The following OSBPL6 variants were observed in gnomAD, a reference collection of about 807,000 sequenced individuals.
The protein encoded by OSBPL6 is oxysterol-binding protein-related protein 6.
A neutral mutation model predicts 125.8 loss-of-function variants in OSBPL6; 49 were observed. The observed-to-expected ratio is 0.39, with a 90% CI of 0.31 to 0.49. The LOEUF is 0.49. OSBPL6 is among the 20% of genes least tolerant of loss of function. The pLI is 0.88. For synonymous variants in OSBPL6, 394 were observed against 391.8 expected (o/e 1.01, Z -0.07); for missense variants, 986 against 1,135.4 (o/e 0.87, Z 1.89).
intron 3 of OSBPL6, chr2:178,320,522 C>T (rs1201168218): frequency 5.8e-6 from 6 of 1,030,324 alleles, no homozygotes; most frequent in Admixed American, 2.3e-5. Context: ...AACTGGTTTA[C>T]ATAACCCTTT....
intron 3 of OSBPL6, among the ~76,000 whole-genome samples, chr2:178,311,635 A>T (rs957670769): frequency 2.0e-5 from 3 of 152,246 alleles, no homozygotes; most frequent in Admixed American, 2.0e-4. Context: ...TGGAGAGAAG[A>T]TTGGGAGCTC....
At position 178,383,062 on chromosome 2, in the gene OSBPL6, G is replaced by A; in HGVS notation, c.1660G>A (p.Gly554Arg). The change falls in exon 17 of 25, where the codon GGG becomes AGG. Residue 554 changes from glycine to arginine, a missense_variant. Gly to Arg is a moderately radical substitution (Grantham distance 125). Transcript: ENST00000190611. Reference protein sequence around the residue: ...GELTGGAFRNGRRACLPAPCP... With the variant: ...GELTGGAFRNRRRACLPAPCP... Reference sequence around the variant, plus strand: ...GCTTACAGGAGGGGCCTTCCGAAATGGGCGTCGAGCATGCCTGCCAGCTCC... The same window carrying A: ...GCTTACAGGAGGGGCCTTCCGAAATAGGCGTCGAGCATGCCTGCCAGCTCC... The A allele has an allele frequency of 6.2e-7, 1 of 1,614,190 alleles. No homozygotes were observed. The highest frequency in any genetic ancestry group is 8.5e-7 in the Non-Finnish European group (1 of 1,180,036).
At chr2:178,377,709 A>G (rs1046718249) in intron 15 of OSBPL6, among the ~76,000 whole-genome samples, 2 of 152,110 alleles carry the variant, frequency 1.3e-5, no homozygotes, top group Admixed American at 1.3e-4. Context: ...GAGATCCACA[A>G]CTTCAGCTCC....
chr2:178,270,199 A>G (rs1317085930), intron 1 of OSBPL6, among the ~76,000 whole-genome samples: 1 of 152,184 alleles, frequency 6.6e-6, no homozygotes, highest in Non-Finnish European at 1.5e-5. Context: ...TTTCCAAGAA[A>G]TTCTTCAATT....
chr2:178,276,423 A>AGTG (rs2092470734), intron 1 of OSBPL6, among the ~76,000 whole-genome samples: 1 of 144,826 alleles, frequency 6.9e-6, no homozygotes, highest in African/African-American at 2.6e-5. Context: ...CCCAGGCTAG[A>AGTG]GTGCAGTGGC....
At chr2:178,385,400 G>T in intron 18 of OSBPL6, 58 bp from the exon 19 acceptor site, 3 of 1,211,002 alleles carry the variant, frequency 2.5e-6, no homozygotes. Flanking sequence ...AAGAGAAATG[G>T]ATGACCATGT....
chr2:178,291,238 T>G (rs334621), intron 2 of OSBPL6, among the ~76,000 whole-genome samples: 132,000 of 152,078 alleles, frequency 0.87, 58,364 homozygotes, highest in Non-Finnish European at 0.95. Context: ...GGCAGTGATA[T>G]TCAGTCTATT....
intron 1 of OSBPL6, among the ~76,000 whole-genome samples, chr2:178,253,256 A>C (rs1267214772): frequency 6.6e-6 from 1 of 152,164 alleles, no homozygotes; most frequent in Admixed American, 6.5e-5. Context: ...TCCTGACCTC[A>C]GGCAATCACC....
At chr2:178,306,506 T>C (rs1686771702) in intron 3 of OSBPL6, among the ~76,000 whole-genome samples, 1 of 152,186 alleles carries the variant, frequency 6.6e-6, no homozygotes, top group Non-Finnish European at 1.5e-5. Context: ...CACAGAAGGC[T>C]GGTAGGGTGG....
intron 3 of OSBPL6, among the ~76,000 whole-genome samples, chr2:178,310,458 C>G (rs1195231270): frequency 8.0e-6 from 1 of 124,918 alleles, no homozygotes; most frequent in Non-Finnish European, 1.6e-5. Context: ...TGCTCTGTTG[C>G]CCAGACTGGA....
chr2:178,324,629 A>G (rs1348653842), intron 4 of OSBPL6, among the ~76,000 whole-genome samples: 1 of 152,216 alleles, frequency 6.6e-6, no homozygotes, highest in Non-Finnish European at 1.5e-5. Flanking sequence ...AACAGCTACC[A>G]TTATTGCCCA....
intron 1 of OSBPL6, among the ~76,000 whole-genome samples, chr2:178,218,004 A>G (rs907634996): frequency 5.9e-5 from 9 of 152,162 alleles, no homozygotes; most frequent in African/African-American, 1.9e-4. Context: ...GGCAGGTTCA[A>G]TAGGGTTTTT....
intron 10 of OSBPL6, 54 bp from the exon 11 acceptor site, chr2:178,339,618 C>A: frequency 7.1e-7 from 1 of 1,405,718 alleles, no homozygotes; most frequent in South Asian, 1.4e-5. Context: ...ATATCTGTAT[C>A]ATCTGTGTGA....
intron 1 of OSBPL6, among the ~76,000 whole-genome samples, chr2:178,216,533 G>T (rs116965842): frequency 0.04 from 6,162 of 152,242 alleles, 167 homozygotes; most frequent in Middle Eastern, 0.11. Flanking sequence ...TATTGGTTGA[G>T]AATGCTGACC....
chr2:178,354,491 A>T (rs998381366), intron 12 of OSBPL6, among the ~76,000 whole-genome samples: 15 of 152,248 alleles, frequency 9.9e-5, no homozygotes, highest in African/African-American at 3.6e-4. Context: ...GAGACAAAGA[A>T]GGCCATTACA....
intron 1 of OSBPL6, among the ~76,000 whole-genome samples, chr2:178,220,310 G>A (rs796965033): frequency 8.5e-5 from 13 of 152,116 alleles, no homozygotes; most frequent in African/African-American, 3.1e-4. Context: ...GGCTGGGGAG[G>A]CGGGTGGACA....
intron 1 of OSBPL6, among the ~76,000 whole-genome samples, chr2:178,207,591 A>G (rs2089606803): frequency 6.6e-6 from 1 of 152,154 alleles, no homozygotes; most frequent in African/African-American, 2.4e-5. Context: ...TGGTTTTTCC[A>G]GCTGTGAGTA....
At chr2:178,219,485 G>A (rs1330447625) in intron 1 of OSBPL6, among the ~76,000 whole-genome samples, 4 of 152,202 alleles carry the variant, frequency 2.6e-5, no homozygotes, top group Non-Finnish European at 5.9e-5. Context: ...CACCCTAGGG[G>A]CCAAGGGTGT....
intron 3 of OSBPL6, chr2:178,320,260 A>G (rs1401677508): frequency 1.9e-6 from 3 of 1,608,968 alleles, no homozygotes; most frequent in East Asian, 4.5e-5. Flanking sequence ...CTTGCTGCTC[A>G]GGAGGTATTG....
Sources: gnomAD v4.1 joint callset for allele counts (sites outside exome capture counted in the v4.1 genomes callset) on GRCh38, gnomAD v4.1.1 for gene constraint, MANE v1.5 for transcripts, NCBI Gene and HGNC (gene_info 2026-07-23, HGNC 2026-07-21) for gene names.